The following TAFA2 variants were observed in gnomAD, a reference collection of about 807,000 sequenced individuals.
TAFA2 encodes the protein TAFA chemokine like family member 2.
In TAFA2, 7 loss-of-function variants were observed where a neutral mutation model predicts 18.8. That is an observed-to-expected ratio of 0.37 (90% CI 0.21 to 0.70). TAFA2 has a LOEUF of 0.70. Ranked by LOEUF, TAFA2 falls within the 30% of genes least tolerant of loss-of-function variation. The pLI is 0.53. For synonymous variants in TAFA2, 60 were observed against 54.2 expected (o/e 1.11, Z -0.47); for missense variants, 122 against 158.1 (o/e 0.77, Z 1.23).
intron 1 of TAFA2, among the ~76,000 whole-genome samples, chr12:61,913,398 A>T (rs748891732): frequency 6.6e-6 from 1 of 152,216 alleles, no homozygotes; most frequent in Non-Finnish European, 1.5e-5. Flanking sequence ...ATGATACCCA[A>T]TAATCCCTGA....
intron 1 of TAFA2, among the ~76,000 whole-genome samples, chr12:62,022,823 G>A (rs1881189532): frequency 6.6e-6 from 1 of 152,160 alleles, no homozygotes; most frequent in Admixed American, 6.5e-5. Flanking sequence ...TCATGTGCCA[G>A]TAACTGTGCT....
chr12:61,888,768 T>C (rs1875500858), intron 1 of TAFA2, among the ~76,000 whole-genome samples: 1 of 152,084 alleles, frequency 6.6e-6, no homozygotes, highest in African/African-American at 2.4e-5. Context: ...AGAAGAGAAT[T>C]TCAGAGTGGA....
At position 62,184,499 on chromosome 12, in the gene TAFA2, A is replaced by ATTTTTTTTTTTT. The variant is rs770289214; in HGVS notation, c.-2+6759_-2+6760insAAAAAAAAAAAA. Among the ~76,000 whole-genome samples the ATTTTTTTTTTTT allele has an allele frequency of 6.4e-3, 215 of 33,802 alleles. 9 individuals carry two copies. Among genetic ancestry groups the ATTTTTTTTTTTT allele is most frequent in the Middle Eastern group, 0.036 (3 of 84 alleles). 22.2% of individuals were successfully genotyped at this position (33,802 alleles called of 152,430 possible). ...GGTCTGAACACACGGGAAAAAAAAA[A>ATTTTTTTTTTTT]TTCTTTTTTTTTTGAGGCATAGTCT... On this transcript the variant is annotated intron_variant, in intron 1 of 4. Coordinates refer to ENST00000416284, the MANE Select transcript of TAFA2 (RefSeq NM_178539.5).
At chr12:61,724,757 G>C (rs1870064628) in intron 4 of TAFA2, among the ~76,000 whole-genome samples, 1 of 60,794 alleles carries the variant, frequency 1.6e-5, no homozygotes, top group East Asian at 6.1e-4. Flanking sequence ...GTCTATGTGT[G>C]TGTGTGTGTG....
At chr12:62,175,976 T>G (rs1157420679) in intron 1 of TAFA2, among the ~76,000 whole-genome samples, 1 of 151,966 alleles carries the variant, frequency 6.6e-6, no homozygotes, top group Admixed American at 6.6e-5. Flanking sequence ...TTCTAAGACA[T>G]TCAAAAGAAA....
At chr12:62,184,159 C>T (rs773699875) in intron 1 of TAFA2, among the ~76,000 whole-genome samples, 1 of 152,152 alleles carries the variant, frequency 6.6e-6, no homozygotes, top group Non-Finnish European at 1.5e-5. Context: ...TTTAACCACT[C>T]AACAAATGAC....
intron 2 of TAFA2, among the ~76,000 whole-genome samples, chr12:61,815,393 G>A (rs1414482862): frequency 2.6e-5 from 4 of 151,344 alleles, no homozygotes; most frequent in Non-Finnish European, 5.9e-5. Flanking sequence ...GAGGCTGGGC[G>A]TGGTGGCTCA....
intron 1 of TAFA2, among the ~76,000 whole-genome samples, chr12:62,215,266 G>A (rs2062729636): frequency 6.6e-6 from 1 of 152,160 alleles, no homozygotes; most frequent in African/African-American, 2.4e-5. Context: ...GAATGCAGAT[G>A]TGCAGTCACC....
intron 1 of TAFA2, among the ~76,000 whole-genome samples, chr12:61,941,188 G>C (rs1338535965): frequency 2.6e-5 from 4 of 152,026 alleles, no homozygotes; most frequent in Non-Finnish European, 4.4e-5. Flanking sequence ...ACCAAATTTT[G>C]AAAACAGTAC....
At chr12:62,176,989 G>A (rs2062518444) in intron 1 of TAFA2, among the ~76,000 whole-genome samples, 1 of 152,214 alleles carries the variant, frequency 6.6e-6, no homozygotes, top group South Asian at 2.1e-4. Flanking sequence ...TATAAAATAG[G>A]AAGGACACTA....
chr12:61,951,053 C>A (rs76239973), intron 1 of TAFA2, among the ~76,000 whole-genome samples: 2,728 of 152,118 alleles, frequency 0.018, 32 homozygotes, highest in Non-Finnish European at 0.026. Context: ...CCCTAAATGA[C>A]CAATGCTGCA....
chr12:61,958,389 T>A (rs1196018283), intron 1 of TAFA2, among the ~76,000 whole-genome samples: 1 of 152,048 alleles, frequency 6.6e-6, no homozygotes, highest in Non-Finnish European at 1.5e-5. Context: ...ATTTACAACA[T>A]TGCATTTCTA....
At chr12:62,225,749 A>G (rs1336990658) in intron 1 of TAFA2, among the ~76,000 whole-genome samples, 1 of 152,220 alleles carries the variant, frequency 6.6e-6, no homozygotes, top group Non-Finnish European at 1.5e-5. Flanking sequence ...AAGAAAAGAA[A>G]TATGTATAAA....
intron 1 of TAFA2, among the ~76,000 whole-genome samples, chr12:62,060,566 T>C (rs1882319648): frequency 6.6e-6 from 1 of 152,186 alleles, no homozygotes; most frequent in Non-Finnish European, 1.5e-5. Flanking sequence ...TATCATTGTT[T>C]TAGTGTGTAC....
intron 1 of TAFA2, among the ~76,000 whole-genome samples, chr12:61,910,498 C>A (rs1056683632): frequency 6.6e-6 from 1 of 152,174 alleles, no homozygotes; most frequent in African/African-American, 2.4e-5. Flanking sequence ...GACCAACATT[C>A]TCCCCAGAGG....
Position 61,753,634 on chromosome 12 carries a change from G to C in TAFA2, c.372C>G (p.Val124=). The C allele has an allele frequency of 1.9e-6, 3 of 1,611,818 alleles. No individual in the cohort carries two copies. ...GCTGTCCACTTACCCTAGTTGTTTT[G>C]ACTTTATTCCCAGAGGAACAGCTCC... ...KGWSCSSGNK[V]KTTRVTH is the part of the protein sequence containing the mutation. Residue 124 remains valine (V), a synonymous_variant, in exon 4 of 5, where the codon GTC becomes GTG. Transcript: ENST00000416284.
intron 4 of TAFA2, among the ~76,000 whole-genome samples, chr12:61,712,115 G>A (rs886823099): frequency 9.9e-5 from 15 of 152,052 alleles, no homozygotes; most frequent in African/African-American, 3.6e-4. Context: ...AATTGAGAGA[G>A]AATAAATGGT....
intron 1 of TAFA2, among the ~76,000 whole-genome samples, chr12:62,037,621 T>C (rs1881644593): frequency 6.6e-6 from 1 of 152,166 alleles, no homozygotes; most frequent in Non-Finnish European, 1.5e-5. Context: ...ACTTATGGAA[T>C]AAAACTCATC....
chr12:62,124,473 G>A (rs868424869), intron 1 of TAFA2, among the ~76,000 whole-genome samples: 10 of 151,884 alleles, frequency 6.6e-5, no homozygotes, highest in African/African-American at 2.4e-4. Context: ...ATTTACTAAG[G>A]ATAACAGAAA....
Sources: allele counts gnomAD v4.1 joint callset (sites outside exome capture counted in the v4.1 genomes callset), GRCh38; gene constraint gnomAD v4.1.1; transcripts MANE v1.5; gene names NCBI Gene and HGNC (gene_info 2026-07-23, HGNC 2026-07-21).